Variants in SLMAP observed in about 807,000 individuals in gnomAD.
SLMAP encodes sarcolemmal membrane-associated protein.
In SLMAP, 44 loss-of-function variants were observed where a neutral mutation model predicts 128.8. That is an observed-to-expected ratio of 0.34 (90% confidence interval 0.27 to 0.44). The LOEUF (loss-of-function observed/expected upper bound fraction) is 0.44. Among genes scored for constraint, SLMAP ranks in the 20% least tolerant of loss-of-function variants. The probability of loss-of-function intolerance (pLI) is 1.00; values close to 1 mark genes in which losing one functional copy is unlikely to be tolerated. For synonymous variants in SLMAP, 327 were observed against 348.8 expected (o/e 0.94, Z 0.70); for missense variants, 787 against 985.3 (o/e 0.80, Z 2.69).
chr3:57,872,582 G>C (rs1575544401), intron 14 of SLMAP, among the ~76,000 whole-genome samples: 1 of 152,184 alleles, frequency 6.6e-6, no homozygotes, highest in Non-Finnish European at 1.5e-5. Context: ...TCGTGCCACT[G>C]CACTCCAGCC....
intron 3 of SLMAP, among the ~76,000 whole-genome samples, chr3:57,835,856 C>T (rs1398617574): frequency 1.3e-5 from 2 of 152,036 alleles, no homozygotes; most frequent in African/African-American, 4.8e-5. Flanking sequence ...TAACCATTTA[C>T]AGAAAGCATG....
intron 2 of SLMAP, among the ~76,000 whole-genome samples, chr3:57,777,590 GAAT>G (rs2082188523): frequency 6.6e-6 from 1 of 151,274 alleles, no homozygotes; most frequent in Non-Finnish European, 1.5e-5. Context: ...AAAAAAAAAA[GAAT>G]AAGAAAAGTT....
At chr3:57,878,283 C>G (rs2095651275) in intron 14 of SLMAP, among the ~76,000 whole-genome samples, 1 of 152,178 alleles carries the variant, frequency 6.6e-6, no homozygotes, top group Non-Finnish European at 1.5e-5. Flanking sequence ...ATTATTAAAA[C>G]TGGGAACCTC....
chr3:57,794,578 C>T (rs1177833536), intron 2 of SLMAP, among the ~76,000 whole-genome samples: 1 of 152,138 alleles, frequency 6.6e-6, no homozygotes, highest in Non-Finnish European at 1.5e-5. Flanking sequence ...TATTCATTAG[C>T]AGTCACCCCC....
chr3:57,846,466 C>G (rs966906423), intron 4 of SLMAP, among the ~76,000 whole-genome samples: 23 of 151,866 alleles, frequency 1.5e-4, no homozygotes, highest in African/African-American at 5.3e-4. Flanking sequence ...ACCTTGCTTT[C>G]CAGAACTTTG....
chr3:57,844,696 T>G (rs1265984959), intron 4 of SLMAP, among the ~76,000 whole-genome samples: 1 of 150,242 alleles, frequency 6.7e-6, no homozygotes, highest in East Asian at 2.0e-4. Context: ...ATTATACCAT[T>G]TGTTTCTATT....
At chr3:57,776,427 T>C (rs756206354) in intron 2 of SLMAP, among the ~76,000 whole-genome samples, 1 of 152,000 alleles carries the variant, frequency 6.6e-6, no homozygotes, top group African/African-American at 2.4e-5. Context: ...CAGAATTGAG[T>C]GATAGATCAA....
Position 57,865,257 on chromosome 3 carries a change from A to T in SLMAP, c.1202A>T (p.Asp401Val). The change falls in exon 13 of 25, where the codon GAC becomes GTC. Residue 401 changes from aspartate (D) to valine (V), a missense_variant. By Grantham distance (152) the Asp-to-Val change is radical. This residue lies in a region of SLMAP where 715 missense variants were observed against 843.6 expected (regional missense o/e 0.85). Transcript: ENST00000671191. ...TTAATCCTAGGGATACAAGTTGATG[A>T]CTTCTTACCTAAAATAAATGGGAGC... The part of the protein sequence containing the change: ...ECSSLGIQVD[D>V]FLPKINGSTE... 6.7e-7 allele frequency: 1 copy of T among 1,490,634 alleles called. No individual in the cohort carries two copies. Among genetic ancestry groups the T allele is most frequent in the Non-Finnish European group, 9.1e-7 (1 of 1,098,772 alleles). 92.3% of individuals were successfully genotyped at this position (1,490,634 alleles called of 1,614,324 possible). A position where few individuals can be genotyped will look rare whatever the true frequency, so the allele number is the denominator to read the frequency against.
chr3:57,914,782 A>C (rs1576340232), intron 21 of SLMAP, among the ~76,000 whole-genome samples: 1 of 151,668 alleles, frequency 6.6e-6, no homozygotes, highest in Non-Finnish European at 1.5e-5. Context: ...GGGTTTCTCC[A>C]TGTTGGTTAG....
chr3:57,905,440 C>T (rs2096506879), intron 17 of SLMAP, among the ~76,000 whole-genome samples: 1 of 151,978 alleles, frequency 6.6e-6, no homozygotes, highest in Non-Finnish European at 1.5e-5. Context: ...CATCACCAAA[C>T]CCAGTTAATT....
intron 2 of SLMAP, among the ~76,000 whole-genome samples, chr3:57,784,065 C>G (rs1295860354): frequency 6.6e-6 from 1 of 152,122 alleles, no homozygotes; most frequent in Non-Finnish European, 1.5e-5. Flanking sequence ...ACCTAGATTT[C>G]AAAGGATGTC....
intron 17 of SLMAP, among the ~76,000 whole-genome samples, chr3:57,904,328 G>C (rs1421265346): frequency 1.3e-5 from 2 of 152,138 alleles, no homozygotes; most frequent in African/African-American, 4.8e-5. Flanking sequence ...TGAGGCTGAG[G>C]TGTGAGAATC....
chr3:57,841,278 T>C, intron 3 of SLMAP, 21 bp from the exon 4 acceptor site: 1 of 1,447,980 alleles, frequency 6.9e-7, no homozygotes, highest in Non-Finnish European at 9.6e-7. Flanking sequence ...TTCATCCATA[T>C]TATTTGTTTG....
In SLMAP at chr3:57,907,979, A is replaced by G. The variant is rs2096608051; in HGVS notation, c.1597A>G (p.Ser533Gly). 1 of 1,613,904 alleles carries G rather than the reference A, an allele frequency of 6.2e-7. No individual in the cohort carries two copies. The highest frequency in any genetic ancestry group is 1.7e-5 in the Admixed American group (1 of 59,986). ...CGAAGCCCAGGAGCTAGCTAGAACA[A>G]GTAAACAAAAATGCTTTGAACTTCA... ...LIEAQELARTSKQKCFELQAL... is the reference protein window; with the variant it reads ...LIEAQELARTGKQKCFELQAL... Residue 533 changes from serine to glycine, a missense_variant, in exon 18 of 25, where the codon AGT becomes GGT. Transcript: ENST00000671191.
intron 13 of SLMAP, among the ~76,000 whole-genome samples, chr3:57,871,091 T>C (rs2095470260): frequency 6.6e-6 from 1 of 152,162 alleles, no homozygotes; most frequent in Non-Finnish European, 1.5e-5. Context: ...GATAAACAAT[T>C]TAATGTTTTA....
intron 2 of SLMAP, among the ~76,000 whole-genome samples, chr3:57,795,300 G>A (rs961228092): frequency 1.2e-4 from 18 of 152,308 alleles, no homozygotes; most frequent in African/African-American, 3.6e-4. Context: ...AGCACTGTGG[G>A]AAGCTGAGGC....
chr3:57,921,119 G>A (rs1033325823), intron 22 of SLMAP, among the ~76,000 whole-genome samples: 36 of 152,098 alleles, frequency 2.4e-4, no homozygotes, highest in Admixed American at 7.9e-4. Flanking sequence ...CCCAGTTTGC[G>A]TGTAAGATGC....
At chr3:57,887,315 C>G (rs762581800) in intron 14 of SLMAP, among the ~76,000 whole-genome samples, 1 of 151,536 alleles carries the variant, frequency 6.6e-6, no homozygotes, top group Non-Finnish European at 1.5e-5. Flanking sequence ...CCTCAATCTC[C>G]GCTTCCTGGG....
intron 15 of SLMAP, among the ~76,000 whole-genome samples, chr3:57,895,999 A>G (rs2096235902): frequency 1.3e-5 from 2 of 152,080 alleles, no homozygotes; most frequent in African/African-American, 4.8e-5. Context: ...ATCTTTAGAA[A>G]TAAAAGGCTG....
Sources: allele counts gnomAD v4.1 joint callset (sites outside exome capture counted in the v4.1 genomes callset), GRCh38; gene constraint gnomAD v4.1.1; regional missense constraint gnomAD v4.1.1; transcripts MANE v1.5; gene names NCBI Gene and HGNC (gene_info 2026-07-23, HGNC 2026-07-21).